BANP: variants seen among roughly 807,000 people sequenced by gnomAD.
BANP encodes the protein protein BANP.
Under a neutral mutation model 68.1 loss-of-function variants are expected in BANP, and 11 were observed. The ratio of observed to expected loss-of-function variants is 0.16; its 90% CI spans 0.10 to 0.27. The LOEUF (loss-of-function observed/expected upper bound fraction) is 0.27, where lower values mean the gene tolerates loss of function less well. Among genes scored for constraint, BANP ranks in the 10% least tolerant of loss-of-function variants. The probability of loss-of-function intolerance (pLI) is 1.00; values close to 1 mark genes in which losing one functional copy is unlikely to be tolerated. For missense variants in BANP, 504 were observed against 722.7 expected, an observed-to-expected ratio of 0.70 and a Z score of 3.47; for synonymous variants, 329 against 303.2, an observed-to-expected ratio of 1.09 and a Z score of -0.88.
At chr16:87,973,275 G>A (rs2061441848) in intron 1 of BANP, among the ~76,000 whole-genome samples, 1 of 151,446 alleles carries the variant, frequency 6.6e-6, no homozygotes, top group Non-Finnish European at 1.5e-5. Context: ...TTTTTGTTAG[G>A]GACAGTTGAT....
intron 1 of BANP, among the ~76,000 whole-genome samples, chr16:87,951,770 G>C (rs1253343077): frequency 6.6e-6 from 1 of 151,742 alleles, no homozygotes; most frequent in Non-Finnish European, 1.5e-5. Flanking sequence ...CGTCCGTTGA[G>C]CCGCGGCTGC....
chr16:88,069,597 T>C (rs1212205766), intron 12 of BANP, among the ~76,000 whole-genome samples: 2 of 152,138 alleles, frequency 1.3e-5, no homozygotes, highest in Non-Finnish European at 2.9e-5. Flanking sequence ...CCCCACCTGC[T>C]GTGTGATGGA....
intron 1 of BANP, among the ~76,000 whole-genome samples, chr16:87,971,462 C>T (rs1391365901): frequency 2.6e-5 from 4 of 152,062 alleles, no homozygotes; most frequent in Non-Finnish European, 5.9e-5. Context: ...ATTCTTGGCT[C>T]ACATATCTTT....
intron 11 of BANP, among the ~76,000 whole-genome samples, chr16:88,059,385 C>A (rs2086069259): frequency 6.6e-6 from 1 of 152,124 alleles, no homozygotes; most frequent in Non-Finnish European, 1.5e-5. Flanking sequence ...GTGTTCAAAT[C>A]TGCTTCTTTT....
rs920094979 is a variant in BANP, at chr16:88,072,353, G to A, written c.1521+141G>A. ...TGATTGGACACAGATGCCCATCTGA[G>A]GGTTCTACGTCTCACACTCACCGTG... On this transcript the variant is annotated intron_variant, in intron 13 of 13. Coordinates refer to ENST00000682872, the MANE Select transcript of BANP (RefSeq NM_001386991.1). The A allele has an allele frequency of 6.7e-5, 68 of 1,016,694 alleles. 1 individual carries two copies. The highest frequency in any genetic ancestry group is 1.6e-5 in the African/African-American group (1 of 61,822). The allele number at this position is 1,016,694 out of a possible 1,614,324, so 63.0% of individuals were successfully genotyped here. A position where few individuals can be genotyped will look rare whatever the true frequency, so the allele number is the denominator to read the frequency against.
At chr16:87,959,546 C>A (rs1413145110) in intron 1 of BANP, among the ~76,000 whole-genome samples, 1 of 152,222 alleles carries the variant, frequency 6.6e-6, no homozygotes, top group Non-Finnish European at 1.5e-5. Context: ...GCAGGCTCTC[C>A]GGGGAGGAGG....
intron 7 of BANP, among the ~76,000 whole-genome samples, chr16:88,022,404 C>T (rs961370173): frequency 1.4e-4 from 21 of 152,188 alleles, no homozygotes; most frequent in African/African-American, 4.1e-4. Flanking sequence ...CTAGCAGTTA[C>T]GGAAAGACTG....
At chr16:88,013,095 A>G (rs2152618560) in intron 6 of BANP, among the ~76,000 whole-genome samples, 1 of 152,366 alleles carries the variant, frequency 6.6e-6, no homozygotes, top group South Asian at 2.1e-4. Flanking sequence ...AGGAAGAGAC[A>G]CTAGAAATGT....
chr16:87,960,315 C>G (rs921104690), intron 1 of BANP, among the ~76,000 whole-genome samples: 5 of 152,140 alleles, frequency 3.3e-5, no homozygotes, highest in Non-Finnish European at 7.3e-5. Flanking sequence ...ACCCAGATGG[C>G]TTGCTTGGGA....
rs377644558 is a variant in BANP at position 88,051,083 on chromosome 16, G to A, written c.1311+13072G>A. ...CCAGCTGAGCAGTCACTCTTCTCCC[G>A]TGATCTCTTGCTGCCACAGCCAAGC... On this transcript the variant is annotated intron_variant, in intron 11 of 13. Coordinates refer to ENST00000682872, the MANE Select transcript of BANP (RefSeq NM_001386991.1). Among the ~76,000 whole-genome samples the A allele has an allele frequency of 5.9e-5, 9 of 152,180 alleles. 1 individual carries two copies. Among genetic ancestry groups the A allele is most frequent in the Admixed American group, 4.6e-4 (7 of 15,284 alleles).
chr16:88,030,450 G>A (rs2077925654), intron 8 of BANP, among the ~76,000 whole-genome samples: 2 of 152,218 alleles, frequency 1.3e-5, no homozygotes, highest in South Asian at 2.1e-4. Context: ...TTTCGGGTAC[G>A]TGCATTTGGT....
At chr16:87,998,779 C>T (rs867139810) in intron 4 of BANP, among the ~76,000 whole-genome samples, 14 of 141,894 alleles carry the variant, frequency 9.9e-5, no homozygotes, top group East Asian at 2.2e-4. Flanking sequence ...TCTCCATGCA[C>T]GCACGTGCGC....
At chr16:87,981,199 T>C (rs1407353314) in intron 3 of BANP, 72 bp downstream of exon 3, 74 of 1,112,130 alleles carry the variant, frequency 6.7e-5, no homozygotes, top group Non-Finnish European at 1.0e-4. Context: ...CAAATCACCA[T>C]CAATGGGATG....
intron 7 of BANP, among the ~76,000 whole-genome samples, chr16:88,024,388 CT>C (rs1053095472): frequency 7.9e-5 from 12 of 152,200 alleles, no homozygotes; most frequent in African/African-American, 2.6e-4. Context: ...CTTCATGAGG[CT>C]TTTAAAAAAA....
chr16:88,007,660 G>C lies in BANP; in HGVS notation c.655+1395G>C, dbSNP rs1286324694. ...TCAGTTTTTCTGCATCTGCGTCTGAGTTGTTGATTTTTCCTAGCAACTCGA... is the reference window on the plus strand; with the variant it reads ...TCAGTTTTTCTGCATCTGCGTCTGACTTGTTGATTTTTCCTAGCAACTCGA... On this transcript the variant is annotated intron_variant, in intron 6 of 13. Coordinates refer to ENST00000682872, the MANE Select transcript of BANP (RefSeq NM_001386991.1). Among the ~76,000 whole-genome samples, 4 of 152,232 alleles carry C rather than the reference G, an allele frequency of 2.6e-5. No individual in the cohort carries two copies. In the East Asian group the frequency reaches 7.7e-4, roughly 29 times the overall value.
chr16:88,075,627 C>CTTCA (rs2091436932), intron 13 of BANP, among the ~76,000 whole-genome samples: 1 of 152,176 alleles, frequency 6.6e-6, no homozygotes, highest in African/African-American at 2.4e-5. Flanking sequence ...TGCCTTCCAG[C>CTTCA]TGAAGCTTCT....
chr16:87,978,889 G>A (rs1251899193), intron 2 of BANP, among the ~76,000 whole-genome samples: 2 of 152,156 alleles, frequency 1.3e-5, no homozygotes, highest in South Asian at 2.1e-4. Flanking sequence ...TAAGCAACTC[G>A]GCCCCAGCTC....
intron 12 of BANP, among the ~76,000 whole-genome samples, chr16:88,067,133 G>A (rs964907482): frequency 6.2e-4 from 95 of 152,362 alleles, no homozygotes; most frequent in Non-Finnish European, 4.4e-4. Context: ...TGTGGGGGAA[G>A]GTGAAGCCGC....
chr16:88,012,606 G>C (rs147592217), intron 6 of BANP, among the ~76,000 whole-genome samples: 32 of 152,212 alleles, frequency 2.1e-4, no homozygotes, highest in African/African-American at 7.7e-4. Flanking sequence ...GGGGACTAAC[G>C]TGTGGAATCC....
Sources: gnomAD v4.1 joint callset for allele counts (sites outside exome capture counted in the v4.1 genomes callset) on GRCh38, gnomAD v4.1.1 for gene constraint, MANE v1.5 for transcripts, NCBI Gene and HGNC (gene_info 2026-07-23, HGNC 2026-07-21) for gene names.